Variants in ZNF227 observed in about 807,000 individuals in gnomAD.
ZNF227 encodes the protein zinc finger protein 227.
Under a neutral mutation model 13.2 loss-of-function variants are expected in ZNF227, and 12 were observed. The ratio of observed to expected loss-of-function variants is 0.91; its 90% CI spans 0.58 to 1.47. The LOEUF is 1.47. ZNF227 is among the 40% of genes most tolerant of loss of function. The pLI is 0.00. For missense variants in ZNF227, 885 were observed against 967.5 expected, an observed-to-expected ratio of 0.91 and a Z score of 1.13; for synonymous variants, 338 against 326.0, an observed-to-expected ratio of 1.04 and a Z score of -0.40.
At chr19:44,214,804 T>TA (rs1166929418) in intron 2 of ZNF227, among the ~76,000 whole-genome samples, 2 of 145,174 alleles carry the variant, frequency 1.4e-5, no homozygotes, top group African/African-American at 2.7e-5. Context: ...TTTTTTTTTT[T>TA]AAATTAGAGT....
Position 44,235,035 on chromosome 19 carries a change from A to G in ZNF227, c.605A>G (p.Gln202Arg). The G allele has an allele frequency of 6.2e-7, 1 of 1,614,152 alleles. No homozygotes were observed. The highest frequency in any genetic ancestry group is 8.5e-7 in the Non-Finnish European group (1 of 1,180,030). ...CAAATTGATGTGAAAAATAACCTGC[A>G]AATACATGAAGACTTCATGAAGAAA... ...GKQIDVKNNLQIHEDFMKKSP... is the reference protein window; with the variant it reads ...GKQIDVKNNLRIHEDFMKKSP... Residue 202 changes from glutamine (Q) to arginine (R), a missense_variant, in exon 6 of 6, where the codon CAA becomes CGA. Coordinates refer to ENST00000313040, the MANE Select transcript of ZNF227 (RefSeq NM_182490.3).
At chr19:44,220,903 G>A (rs912703141) in intron 3 of ZNF227, among the ~76,000 whole-genome samples, 5 of 151,798 alleles carry the variant, frequency 3.3e-5, no homozygotes, top group Non-Finnish European at 7.4e-5. Context: ...GTGAGAACAT[G>A]TGGTGTTTGG....
At chr19:44,228,611 C>T (rs370343882) in intron 4 of ZNF227, 39 bp downstream of exon 4, 1 of 1,563,044 alleles carries the variant, frequency 6.4e-7, no homozygotes, top group African/African-American at 1.4e-5. Context: ...CTTCAGTTCC[C>T]TTGAGAATCT....
At chr19:44,227,729 A>C (rs1189497074) in intron 3 of ZNF227, among the ~76,000 whole-genome samples, 1 of 152,192 alleles carries the variant, frequency 6.6e-6, no homozygotes, top group Non-Finnish European at 1.5e-5. Flanking sequence ...AGTTAGTGAG[A>C]GATTAAGGAA....
In ZNF227 at chr19:44,235,693, A is replaced by C; in HGVS notation, c.1263A>C (p.Ala421=). 6.2e-7 allele frequency: 1 copy of C among 1,614,090 alleles called. No individual in the cohort carries two copies. Among genetic ancestry groups the C allele is most frequent in the Non-Finnish European group, 8.5e-7 (1 of 1,180,010 alleles). ...GTGGTAAGGGCTTCACTCAGGCTGCACATTTTCACATCCATCAGAGAGTCC... is the reference window on the plus strand; with the variant it reads ...GTGGTAAGGGCTTCACTCAGGCTGCCCATTTTCACATCCATCAGAGAGTCC... ...EECGKGFTQA[A]HFHIHQRVHT... Residue 421 remains alanine (A), a synonymous_variant, in exon 6 of 6, where the codon GCA becomes GCC. Coordinates refer to ENST00000313040, the MANE Select transcript of ZNF227 (RefSeq NM_182490.3).
intron 3 of ZNF227, among the ~76,000 whole-genome samples, chr19:44,226,443 G>A (rs866662727): frequency 1.3e-5 from 2 of 152,212 alleles, no homozygotes; most frequent in African/African-American, 4.8e-5. Context: ...CGAGCTTCCA[G>A]GCTGCTTTGT....
intron 3 of ZNF227, among the ~76,000 whole-genome samples, chr19:44,226,061 G>C (rs558087257): frequency 3.3e-5 from 5 of 152,184 alleles, no homozygotes; most frequent in African/African-American, 1.2e-4. Flanking sequence ...TATCAGCAGC[G>C]GTGGCTGCAG....
In ZNF227 at chr19:44,223,242, C is replaced by G. The variant is rs368983775; in HGVS notation, c.61-5204C>G. 7.4e-4 allele frequency among the ~76,000 whole-genome samples: 113 copies of G among 152,306 alleles called. 1 individual carries two copies. The East Asian group carries it at 0.013, about 17-fold the overall frequency. On this transcript the variant is annotated intron_variant, in intron 3 of 5. Transcript: ENST00000313040. ...AAAATTCTCTTTTTTGGTTGTGTCT[C>G]TGCCTGGCTTTGGTATCAGGATGAT...
chr19:44,211,907 T>TTG (rs1430129353), upstream of ZNF227, among the ~76,000 whole-genome samples: 1 of 145,312 alleles, frequency 6.9e-6, no homozygotes, highest in Non-Finnish European at 1.5e-5. Context: ...TTCTTTTTTT[T>TTG]TTTTTTGAGA....
intron 4 of ZNF227, chr19:44,229,035 T>C (rs1454032313): frequency 6.0e-6 from 1 of 167,734 alleles, no homozygotes; most frequent in Non-Finnish European, 1.3e-5. Flanking sequence ...GTCTTTCAAA[T>C]GAAACCCATC....
chr19:44,220,868 C>T (rs933047337), intron 3 of ZNF227, among the ~76,000 whole-genome samples: 1 of 149,908 alleles, frequency 6.7e-6, no homozygotes, highest in Non-Finnish European at 1.5e-5. Context: ...TCCATGTGTT[C>T]TCATTGTTCA....
At chr19:44,228,365 T>C in intron 3 of ZNF227, 81 bp from the exon 4 acceptor site, 9 of 1,511,074 alleles carry the variant, frequency 6.0e-6, no homozygotes, top group Non-Finnish European at 8.0e-6. Flanking sequence ...TTTTTTGTGG[T>C]GCTCTTTTCC....
chr19:44,228,299 CAG>C (rs1310498194), intron 3 of ZNF227, 145 bp from the exon 4 acceptor site: 2 of 869,638 alleles, frequency 2.3e-6, no homozygotes, highest in Non-Finnish European at 3.5e-6. Flanking sequence ...GATAGTGAGA[CAG>C]GGAAAACTGT....
intron 1 of ZNF227, chr19:44,212,833 A>C (rs2122640423): frequency 6.6e-6 from 1 of 152,300 alleles, no homozygotes; most frequent in African/African-American, 2.4e-5. Context: ...ATAGCAATAA[A>C]GATAGTCGTT....
chr19:44,223,716 C>T (rs568919335), intron 3 of ZNF227, among the ~76,000 whole-genome samples: 1 of 152,152 alleles, frequency 6.6e-6, no homozygotes, highest in African/African-American at 2.4e-5. Flanking sequence ...AAAAAACCAG[C>T]TCCTGGATTC....
upstream of ZNF227, among the ~76,000 whole-genome samples, chr19:44,211,578 G>T (rs539910468): frequency 7.1e-4 from 108 of 152,300 alleles, no homozygotes; most frequent in Middle Eastern, 3.4e-3. Flanking sequence ...GGCCCTAGTT[G>T]CTTTGTGGAG....
intron 3 of ZNF227, among the ~76,000 whole-genome samples, chr19:44,222,370 C>T (rs1024078724): frequency 9.9e-5 from 15 of 152,060 alleles, no homozygotes; most frequent in Middle Eastern, 6.8e-3. Context: ...GACATTTTCA[C>T]GATATTGATT....
At chr19:44,227,058 A>G (rs1381493113) in intron 3 of ZNF227, 2 of 147,944 alleles carry the variant, frequency 1.4e-5, no homozygotes, top group Non-Finnish European at 2.9e-5. Flanking sequence ...TGGATTGGTT[A>G]GAGATAAATC....
At chr19:44,213,472 T>C (rs1211402543) in intron 2 of ZNF227, 1 of 152,236 alleles carries the variant, frequency 6.6e-6, no homozygotes, top group African/African-American at 2.4e-5. Context: ...GGTCTTGTTA[T>C]TTTGTTATGA....
Sources: gnomAD v4.1 joint callset for allele counts (sites outside exome capture counted in the v4.1 genomes callset) on GRCh38, gnomAD v4.1.1 for gene constraint, MANE v1.5 for transcripts, NCBI Gene and HGNC (gene_info 2026-07-23, HGNC 2026-07-21) for gene names.